Variants in CEMIP observed in about 807,000 individuals in gnomAD.
CEMIP encodes cell migration-inducing and hyaluronan-binding protein.
A neutral mutation model predicts 156.9 loss-of-function variants in CEMIP; 105 were observed. That is an observed-to-expected ratio of 0.67 (90% CI 0.57 to 0.79). The LOEUF is 0.79. Among genes scored for constraint, CEMIP ranks in the 30% least tolerant of loss-of-function variants. The pLI is 0.00. For synonymous variants in CEMIP, 676 were observed against 668.4 expected (o/e 1.01, Z -0.17); for missense variants, 1,457 against 1,769.4 (o/e 0.82, Z 3.17).
intron 6 of CEMIP, 132 bp downstream of exon 6, chr15:80,881,268 C>A: frequency 1.2e-6 from 1 of 833,906 alleles, no homozygotes; most frequent in Non-Finnish European, 2.1e-6. Flanking sequence ...TCCCTGCCTT[C>A]AAGGAGTTCT....
chr15:80,823,601 G>A (rs1896959810), intron 1 of CEMIP, among the ~76,000 whole-genome samples: 2 of 152,106 alleles, frequency 1.3e-5, no homozygotes, highest in Admixed American at 1.3e-4. Context: ...ATCACTTGGG[G>A]TCTCCTGTCC....
chr15:80,882,148 C>T (rs1457615637), intron 6 of CEMIP, among the ~76,000 whole-genome samples: 1 of 152,154 alleles, frequency 6.6e-6, no homozygotes, highest in African/African-American at 2.4e-5. Context: ...CGGTCAGGGG[C>T]AGGGTGGGCA....
chr15:80,839,289 AGTGTGTGTGTGTGTGTGTGT>A (rs34172431), intron 1 of CEMIP, among the ~76,000 whole-genome samples: 2 of 131,120 alleles, frequency 1.5e-5, no homozygotes, highest in African/African-American at 6.1e-5. Context: ...CAAGGCCGTG[AGTGTGTGTGTGTGTGTGTGT>A]GTGTGTGTGT....
chr15:80,925,965 T>C lies in CEMIP; in HGVS notation c.2420+210T>C, dbSNP rs11072963. Reference sequence around the variant, plus strand: ...TAAAAGCAGCATATTGGCTTCAGCCTACAGTGCCAGGTGCTGTGGGTTATG... The same window carrying C: ...TAAAAGCAGCATATTGGCTTCAGCCCACAGTGCCAGGTGCTGTGGGTTATG... On this transcript the variant is annotated intron_variant, in intron 19 of 29. Coordinates refer to ENST00000394685, the MANE Select transcript of CEMIP (RefSeq NM_001293298.2). Among the ~76,000 whole-genome samples, 52,720 of 151,988 alleles carry C rather than the reference T, an allele frequency of 0.35. 11,169 individuals carry two copies. The highest frequency in any genetic ancestry group is 0.6 in the African/African-American group (24,888 of 41,428).
Position 80,878,736 on chromosome 15 carries a change from C to T in CEMIP, c.110C>T (p.Pro37Leu). ...GATSTVAAGC[P>L]DQSPELQPWN... ...TCCTTGGCAGTGGCTGCTGGGTGCC[C>T]TGACCAGAGCCCTGAGTTGCAACCC... The change falls in exon 4 of 30, where the codon CCT becomes CTT. Residue 37 changes from proline to leucine, a missense_variant. Physicochemically the swap from Pro to Leu is moderately conservative, Grantham distance 98. Coordinates refer to ENST00000394685, the MANE Select transcript of CEMIP (RefSeq NM_001293298.2). 8 of 1,614,150 alleles carry T rather than the reference C, an allele frequency of 5.0e-6. No individual in the cohort carries two copies. The highest frequency in any genetic ancestry group is 6.8e-6 in the Non-Finnish European group (8 of 1,180,020).
chr15:80,812,250 T>G (rs1896689735), intron 1 of CEMIP, among the ~76,000 whole-genome samples: 1 of 152,220 alleles, frequency 6.6e-6, no homozygotes, highest in Non-Finnish European at 1.5e-5. Context: ...TCTGCAATGT[T>G]ATAATTACCT....
Position 80,850,372 on chromosome 15 carries a change from G to A in CEMIP, c.-175-23166G>A, listed in dbSNP as rs570635965. On this transcript the variant is annotated intron_variant, in intron 1 of 29. Transcript: ENST00000394685. Reference sequence around the variant, plus strand: ...GTTCAATGCAACCTTCACCTTCCAGGTTCGAGTGATTCTCATGTCTCAGCC... The same window carrying A: ...GTTCAATGCAACCTTCACCTTCCAGATTCGAGTGATTCTCATGTCTCAGCC... Among the ~76,000 whole-genome samples the A allele has an allele frequency of 2.6e-5, 4 of 152,270 alleles. No individual in the cohort carries two copies. The East Asian group carries it at 7.7e-4, about 29-fold the overall frequency.
intron 1 of CEMIP, among the ~76,000 whole-genome samples, chr15:80,849,181 C>T (rs942439602): frequency 3.3e-5 from 5 of 151,794 alleles, no homozygotes; most frequent in East Asian, 3.9e-4. Context: ...GATGGGGTTT[C>T]ACTATGTTGG....
intron 10 of CEMIP, among the ~76,000 whole-genome samples, chr15:80,892,336 A>G (rs564501653): frequency 1.8e-4 from 27 of 152,142 alleles, no homozygotes; most frequent in Non-Finnish European, 3.5e-4. Context: ...CCAAGATCTG[A>G]TATTTTGTGA....
At chr15:80,857,974 C>A (rs28480014) in intron 1 of CEMIP, among the ~76,000 whole-genome samples, 3,693 of 151,950 alleles carry the variant, frequency 0.024, 148 homozygotes, top group African/African-American at 0.085. Context: ...GTCCCTGGGG[C>A]AGAATCAAGC....
In CEMIP at chr15:80,895,141, G is replaced by A. The variant is rs1899173344; in HGVS notation, c.1219+19G>A. 1 of 1,614,040 alleles carries A rather than the reference G, an allele frequency of 6.2e-7. No individual in the cohort carries two copies. The highest frequency in any genetic ancestry group is 1.1e-5 in the South Asian group (1 of 91,054). ...AAGCCTGGTAAGCAGCCCCTTGTCGGGGACACAGATGCAACTATGGCTCGG... is the reference window on the plus strand; with the variant it reads ...AAGCCTGGTAAGCAGCCCCTTGTCGAGGACACAGATGCAACTATGGCTCGG... On this transcript the variant is annotated intron_variant, in intron 11 of 29. Coordinates refer to ENST00000394685, the MANE Select transcript of CEMIP (RefSeq NM_001293298.2).
chr15:80,866,090 C>T (rs1898118058), intron 1 of CEMIP, among the ~76,000 whole-genome samples: 1 of 152,204 alleles, frequency 6.6e-6, no homozygotes, highest in Admixed American at 6.5e-5. Flanking sequence ...CCCTCCCCTA[C>T]AGCTGATTGG....
intron 1 of CEMIP, among the ~76,000 whole-genome samples, chr15:80,864,058 C>T (rs908653221): frequency 5.9e-5 from 9 of 152,100 alleles, no homozygotes; most frequent in Admixed American, 1.3e-4. Context: ...GCCAGGCTGC[C>T]GCGCAGAAAT....
At chr15:80,815,696 T>A (rs898726708) in intron 1 of CEMIP, among the ~76,000 whole-genome samples, 6 of 151,974 alleles carry the variant, frequency 3.9e-5, no homozygotes, top group Admixed American at 1.3e-4. Flanking sequence ...CTGTGCCTTT[T>A]AAAAAAAATT....
chr15:80,812,678 A>G (rs1896698263), intron 1 of CEMIP, among the ~76,000 whole-genome samples: 4 of 152,204 alleles, frequency 2.6e-5, no homozygotes, highest in Non-Finnish European at 4.4e-5. Flanking sequence ...TCACAGGCAG[A>G]ATTGGCTCAT....
intron 28 of CEMIP, among the ~76,000 whole-genome samples, chr15:80,945,750 C>A (rs574803286): frequency 1.3e-5 from 2 of 152,210 alleles, no homozygotes; most frequent in Non-Finnish European, 2.9e-5. Context: ...CTTTGAGATA[C>A]AAACTGGACG....
At chr15:80,800,337 G>A (rs566585707) in intron 1 of CEMIP, among the ~76,000 whole-genome samples, 25 of 152,154 alleles carry the variant, frequency 1.6e-4, no homozygotes, top group African/African-American at 5.5e-4. Context: ...GAGAGAGCAG[G>A]TCTCATGTCA....
At chr15:80,790,495 C>T (rs1896053702) in intron 1 of CEMIP, among the ~76,000 whole-genome samples, 2 of 152,160 alleles carry the variant, frequency 1.3e-5, no homozygotes, top group Admixed American at 1.3e-4. Flanking sequence ...CTTATTTAAA[C>T]TTCCTGACAA....
chr15:80,942,156 C>A, intron 26 of CEMIP, 95 bp from the exon 27 acceptor site: 1 of 1,484,260 alleles, frequency 6.7e-7, no homozygotes, highest in Non-Finnish European at 9.4e-7. Context: ...CCTCACTCAG[C>A]TCCATAAACC....
Sources: allele counts gnomAD v4.1 joint callset (sites outside exome capture counted in the v4.1 genomes callset), GRCh38; gene constraint gnomAD v4.1.1; transcripts MANE v1.5; gene names NCBI Gene and HGNC (gene_info 2026-07-23, HGNC 2026-07-21).